PLCXD3: variants seen among roughly 807,000 people sequenced by gnomAD.
PLCXD3 encodes the protein phosphatidylinositol specific phospholipase C X domain containing 3.
Under a neutral mutation model 25.5 loss-of-function variants are expected in PLCXD3, and 19 were observed. The ratio of observed to expected loss-of-function variants is 0.75; its 90% CI spans 0.52 to 1.09. PLCXD3 has a LOEUF of 1.09. Ranked by LOEUF, PLCXD3 falls within the 50% of genes least tolerant of loss-of-function variation. The pLI is 0.00. For synonymous variants in PLCXD3, 174 were observed against 137.6 expected, an observed-to-expected ratio of 1.26 and a Z score of -1.85; for missense variants, 411 against 388.1, an observed-to-expected ratio of 1.06 and a Z score of -0.50.
chr5:41,402,843 T>C (rs545775358), intron 1 of PLCXD3, among the ~76,000 whole-genome samples: 3 of 152,038 alleles, frequency 2.0e-5, no homozygotes, highest in Non-Finnish European at 4.4e-5. Context: ...GATATTAATA[T>C]TTAATATCAT....
chr5:41,393,093 A>C (rs1203546024), intron 1 of PLCXD3, among the ~76,000 whole-genome samples: 1 of 152,222 alleles, frequency 6.6e-6, no homozygotes, highest in Admixed American at 6.5e-5. Context: ...GGGCAAATCT[A>C]AGATTTGTTG....
chr5:41,481,783 G>T (rs1328134118), intron 1 of PLCXD3, among the ~76,000 whole-genome samples: 1 of 152,240 alleles, frequency 6.6e-6, no homozygotes, highest in African/African-American at 2.4e-5. Context: ...CCTCTGGGAT[G>T]AGCCCCTTAG....
intron 1 of PLCXD3, among the ~76,000 whole-genome samples, chr5:41,459,436 AT>A (rs1474041607): frequency 6.6e-6 from 1 of 151,872 alleles, no homozygotes; most frequent in East Asian, 1.9e-4. Flanking sequence ...GGGACCAAAT[AT>A]AATGCCACAA....
chr5:41,318,579 C>T (rs1396918480), intron 2 of PLCXD3, among the ~76,000 whole-genome samples: 4 of 151,896 alleles, frequency 2.6e-5, no homozygotes, highest in Admixed American at 6.6e-5. Flanking sequence ...TAACCTAAAA[C>T]CAAAAACATG....
chr5:41,397,158 G>A (rs1158383597), intron 1 of PLCXD3, among the ~76,000 whole-genome samples: 1 of 152,202 alleles, frequency 6.6e-6, no homozygotes, highest in African/African-American at 2.4e-5. Context: ...AATATTGCTA[G>A]GGCATTTCAG....
intron 1 of PLCXD3, among the ~76,000 whole-genome samples, chr5:41,408,723 C>T (rs1413809873): frequency 6.6e-6 from 1 of 152,126 alleles, no homozygotes; most frequent in East Asian, 1.9e-4. Context: ...AAGTCTGTGG[C>T]CATAAGAATA....
intron 1 of PLCXD3, among the ~76,000 whole-genome samples, chr5:41,390,996 G>A (rs78884585): frequency 0.11 from 16,621 of 152,162 alleles, 1,084 homozygotes; most frequent in Admixed American, 0.17. Context: ...GCTGATGCTC[G>A]CTTCCTAAGG....
chr5:41,328,090 T>G (rs564137037), intron 2 of PLCXD3, among the ~76,000 whole-genome samples: 3 of 152,328 alleles, frequency 2.0e-5, no homozygotes, highest in African/African-American at 7.2e-5. Flanking sequence ...TACTGTCAGT[T>G]CTAGAGCAAG....
At chr5:41,417,434 C>A (rs1415615352) in intron 1 of PLCXD3, among the ~76,000 whole-genome samples, 1 of 149,730 alleles carries the variant, frequency 6.7e-6, no homozygotes, top group African/African-American at 2.6e-5. Context: ...GACTAATGAC[C>A]AAGAGAGGTT....
At chr5:41,404,084 G>C (rs999419810) in intron 1 of PLCXD3, among the ~76,000 whole-genome samples, 3 of 152,008 alleles carry the variant, frequency 2.0e-5, no homozygotes, top group Non-Finnish European at 2.9e-5. Context: ...CATATAAATT[G>C]GCCTTTAGAT....
intron 1 of PLCXD3, among the ~76,000 whole-genome samples, chr5:41,464,991 TCTTGTTTCATCATCC>T (rs1317156412): frequency 6.6e-6 from 1 of 152,098 alleles, no homozygotes; most frequent in Non-Finnish European, 1.5e-5. Flanking sequence ...AATATCTGCT[TCTTGTTTCATCATCC>T]CTTGTTCTTA....
intron 1 of PLCXD3, among the ~76,000 whole-genome samples, chr5:41,489,637 G>T (rs1215826512): frequency 2.6e-5 from 4 of 151,570 alleles, no homozygotes; most frequent in African/African-American, 7.3e-5. Flanking sequence ...CCTTGAAGAG[G>T]TCCTTCACAT....
At chr5:41,423,365 T>C (rs1239682654) in intron 1 of PLCXD3, among the ~76,000 whole-genome samples, 1 of 152,064 alleles carries the variant, frequency 6.6e-6, no homozygotes, top group Non-Finnish European at 1.5e-5. Context: ...TTGAGTCATT[T>C]TCAGTTAAGT....
Position 41,313,315 on chromosome 5 carries a change from G to A in PLCXD3, c.*302C>T, listed in dbSNP as rs1245845679. ...GGCTGGAAATAGAGAACCTAATCAA[G>A]TAAACACTCATGAATTCTATGTTAC... On this transcript the variant is annotated 3_prime_UTR_variant, in exon 3 of 3. Coordinates refer to ENST00000377801, the MANE Select transcript of PLCXD3 (RefSeq NM_001005473.3). 3.0e-5 allele frequency: 9 copies of A among 300,190 alleles called. No individual in the cohort carries two copies. The highest frequency in any genetic ancestry group is 1.8e-4 in the African/African-American group (8 of 44,182). 18.6% of individuals were successfully genotyped at this position (300,190 alleles called of 1,614,324 possible).
At chr5:41,344,307 G>A (rs1744244348) in intron 2 of PLCXD3, among the ~76,000 whole-genome samples, 1 of 152,216 alleles carries the variant, frequency 6.6e-6, no homozygotes, top group Admixed American at 6.5e-5. Context: ...TTTTTAGAAA[G>A]AGTAGACTCA....
At chr5:41,391,243 G>T (rs986022255) in intron 1 of PLCXD3, among the ~76,000 whole-genome samples, 1 of 152,146 alleles carries the variant, frequency 6.6e-6, no homozygotes, top group African/African-American at 2.4e-5. Context: ...GAAGCAAAAA[G>T]AGTACTGTTA....
At chr5:41,340,656 A>AGTCTTCTC (rs1744113126) in intron 2 of PLCXD3, among the ~76,000 whole-genome samples, 1 of 152,182 alleles carries the variant, frequency 6.6e-6, no homozygotes, top group South Asian at 2.1e-4. Context: ...GCAAGGAAAG[A>AGTCTTCTC]GTCTTCTCCA....
intron 2 of PLCXD3, among the ~76,000 whole-genome samples, chr5:41,318,009 A>G (rs866276000): frequency 8.6e-5 from 13 of 152,040 alleles, no homozygotes; most frequent in African/African-American, 2.7e-4. Flanking sequence ...ATCCAAACAC[A>G]AGAAGGCCAG....
intron 1 of PLCXD3, among the ~76,000 whole-genome samples, chr5:41,457,760 A>G (rs1486191643): frequency 6.6e-6 from 1 of 151,928 alleles, no homozygotes; most frequent in Non-Finnish European, 1.5e-5. Flanking sequence ...AACTCATACC[A>G]TAACAGGTCA....
Sources: gnomAD v4.1 joint callset for allele counts (sites outside exome capture counted in the v4.1 genomes callset) on GRCh38, gnomAD v4.1.1 for gene constraint, MANE v1.5 for transcripts, NCBI Gene and HGNC (gene_info 2026-07-23, HGNC 2026-07-21) for gene names.